DLG2: variants seen among roughly 807,000 people sequenced by gnomAD.
DLG2 encodes disks large homolog 2.
In DLG2, 45 loss-of-function variants were observed where a neutral mutation model predicts 132.5. The ratio of observed to expected loss-of-function variants is 0.34; its 90% CI spans 0.27 to 0.44. The LOEUF is 0.44. Ranked by LOEUF, DLG2 falls within the 20% of genes least tolerant of loss-of-function variation. The pLI is 1.00. For missense variants in DLG2, 1,045 were observed against 1,196.9 expected (o/e 0.87, Z 1.87); for synonymous variants, 424 against 419.6 (o/e 1.01, Z -0.13).
At chr11:85,472,495 C>T (rs1299177275) in intron 3 of DLG2, among the ~76,000 whole-genome samples, 3 of 152,028 alleles carry the variant, frequency 2.0e-5, no homozygotes, top group Admixed American at 6.6e-5. Flanking sequence ...AGACAGGGTT[C>T]CTCCATGTTG....
intron 9 of DLG2, among the ~76,000 whole-genome samples, chr11:84,132,721 T>C (rs56316546): frequency 0.013 from 2,015 of 152,014 alleles, 37 homozygotes; most frequent in African/African-American, 0.04. Flanking sequence ...AGGAATAAAA[T>C]AGCCAGTACT....
intron 6 of DLG2, among the ~76,000 whole-genome samples, chr11:84,705,415 A>G (rs2059684625): frequency 6.6e-6 from 1 of 151,720 alleles, no homozygotes; most frequent in Non-Finnish European, 1.5e-5. Flanking sequence ...TCTATTGCAA[A>G]TCATTCAGTT....
At chr11:85,224,822 T>C (rs2074876694) in intron 4 of DLG2, among the ~76,000 whole-genome samples, 1 of 152,190 alleles carries the variant, frequency 6.6e-6, no homozygotes, top group Non-Finnish European at 1.5e-5. Flanking sequence ...GTGGTTAACA[T>C]AATCGTGTAA....
chr11:84,132,153 T>C (rs2094445704), intron 9 of DLG2, among the ~76,000 whole-genome samples: 1 of 152,038 alleles, frequency 6.6e-6, no homozygotes, highest in South Asian at 2.1e-4. Context: ...TTTTTTGTTC[T>C]GGCTTTAGCT....
chr11:85,026,568 T>A (rs748235177), intron 6 of DLG2, among the ~76,000 whole-genome samples: 36 of 152,138 alleles, frequency 2.4e-4, no homozygotes, highest in Non-Finnish European at 4.6e-4. Context: ...CCGGGCGCGG[T>A]AGCTCACACC....
chr11:85,305,890 T>TG (rs2079910295), intron 3 of DLG2, among the ~76,000 whole-genome samples: 1 of 152,220 alleles, frequency 6.6e-6, no homozygotes, highest in African/African-American at 2.4e-5. Context: ...GCACTTAGTA[T>TG]ATATCTAACT....
At position 85,549,271 on chromosome 11, in the gene DLG2, C is replaced by T. The variant is rs991062727; in HGVS notation, c.40+49386G>A. On this transcript the variant is annotated intron_variant, in intron 3 of 27. Coordinates refer to ENST00000376104, the MANE Select transcript of DLG2 (RefSeq NM_001142699.3). ...CCCTTGCACTTCCCGGATGAGGTGACGCCCCACCCTGCTTCCACTCGCCCT... is the reference window on the plus strand; with the variant it reads ...CCCTTGCACTTCCCGGATGAGGTGATGCCCCACCCTGCTTCCACTCGCCCT... Among the ~76,000 whole-genome samples the T allele has an allele frequency of 1.1e-4, 16 of 152,064 alleles. 1 individual carries two copies. Among genetic ancestry groups the T allele is most frequent in the African/African-American group, 2.2e-4 (9 of 41,390 alleles).
chr11:85,466,212 C>T (rs1292147270), intron 3 of DLG2, among the ~76,000 whole-genome samples: 1 of 152,046 alleles, frequency 6.6e-6, no homozygotes, highest in Non-Finnish European at 1.5e-5. Flanking sequence ...GGATATTAGC[C>T]CTTTGTCAGA....
chr11:85,279,548 G>T (rs2078105439), intron 4 of DLG2, among the ~76,000 whole-genome samples: 1 of 151,936 alleles, frequency 6.6e-6, no homozygotes, highest in African/African-American at 2.4e-5. Flanking sequence ...TTCCTTGACT[G>T]TGCCTTTTCT....
intron 10 of DLG2, 29 bp from the exon 11 acceptor site, chr11:84,059,513 A>G: frequency 6.6e-7 from 1 of 1,507,310 alleles, no homozygotes. Flanking sequence ...GTCAAGATTC[A>G]GAAGTGGCTA....
intron 7 of DLG2, among the ~76,000 whole-genome samples, chr11:84,300,710 A>T (rs927823636): frequency 4.6e-5 from 7 of 152,344 alleles, no homozygotes; most frequent in Admixed American, 3.9e-4. Context: ...GTCATAGGAA[A>T]GGTACTCATT....
At chr11:84,180,470 T>C (rs1472953879) in intron 8 of DLG2, among the ~76,000 whole-genome samples, 1 of 151,842 alleles carries the variant, frequency 6.6e-6, no homozygotes, top group Non-Finnish European at 1.5e-5. Flanking sequence ...TTTGAGGCAA[T>C]AATGACTGAA....
At chr11:84,026,836 T>C (rs778097544) in intron 11 of DLG2, among the ~76,000 whole-genome samples, 3 of 152,056 alleles carry the variant, frequency 2.0e-5, no homozygotes, top group Non-Finnish European at 1.5e-5. Context: ...CTTGGGAAAA[T>C]TGTTAAATCT....
At chr11:83,680,150 G>C (rs2078511816) in intron 18 of DLG2, among the ~76,000 whole-genome samples, 1 of 152,012 alleles carries the variant, frequency 6.6e-6, no homozygotes, top group South Asian at 2.1e-4. Flanking sequence ...GTTCATCACG[G>C]GTGGGTGGAG....
At chr11:85,078,656 C>G (rs979793092) in intron 6 of DLG2, among the ~76,000 whole-genome samples, 4 of 151,898 alleles carry the variant, frequency 2.6e-5, no homozygotes, top group African/African-American at 9.7e-5. Context: ...GCAGGGAAGA[C>G]ATTTTGGTAG....
At chr11:84,903,282 C>T (rs2091118056) in intron 6 of DLG2, among the ~76,000 whole-genome samples, 1 of 152,156 alleles carries the variant, frequency 6.6e-6, no homozygotes, top group Non-Finnish European at 1.5e-5. Flanking sequence ...GACATATATG[C>T]TATTTCCTAA....
chr11:84,726,213 C>A (rs967934865), intron 6 of DLG2, among the ~76,000 whole-genome samples: 2 of 152,104 alleles, frequency 1.3e-5, no homozygotes, highest in African/African-American at 4.8e-5. Flanking sequence ...TTTGCTGCAA[C>A]CATCATCCCG....
At chr11:84,897,146 AT>A (rs2090314798) in intron 6 of DLG2, among the ~76,000 whole-genome samples, 1 of 123,562 alleles carries the variant, frequency 8.1e-6, no homozygotes, top group Non-Finnish European at 1.7e-5. Flanking sequence ...AGTTACATAT[AT>A]ATATATATAT....
chr11:84,202,154 T>C (rs1348034563), intron 8 of DLG2, among the ~76,000 whole-genome samples: 1 of 151,678 alleles, frequency 6.6e-6, no homozygotes, highest in African/African-American at 2.4e-5. Context: ...AGAGCCCAAA[T>C]AGCCAAGACA....
Sources: allele counts gnomAD v4.1 joint callset (sites outside exome capture counted in the v4.1 genomes callset), GRCh38; gene constraint gnomAD v4.1.1; transcripts MANE v1.5; gene names NCBI Gene and HGNC (gene_info 2026-07-23, HGNC 2026-07-21).